Variants in DAB1 observed in about 807,000 individuals in gnomAD.
DAB1 encodes the protein disabled homolog 1.
DAB1 carries 15 observed loss-of-function variants against 64.6 expected under a neutral mutation model. The ratio of observed to expected loss-of-function variants is 0.23; its 90% CI spans 0.16 to 0.36. The LOEUF (loss-of-function observed/expected upper bound fraction) is 0.36. Among genes scored for constraint, DAB1 ranks in the 10% least tolerant of loss-of-function variants. The pLI, the probability that DAB1 is intolerant of heterozygous loss-of-function variation, is 1.00. For missense variants in DAB1, 596 were observed against 706.7 expected (o/e 0.84, Z 1.78); for synonymous variants, 235 against 251.9 (o/e 0.93, Z 0.64).
chr1:57,057,233 G>A (rs939393986), intron 9 of DAB1, among the ~76,000 whole-genome samples: 19 of 152,126 alleles, frequency 1.2e-4, no homozygotes, highest in Non-Finnish European at 2.6e-4. Context: ...AGAAGAAAGT[G>A]TATTTTATAT....
At chr1:57,689,764 A>T (rs1373318428) in intron 6 of DAB1, among the ~76,000 whole-genome samples, 1 of 152,188 alleles carries the variant, frequency 6.6e-6, no homozygotes. Context: ...GTTACAAATA[A>T]TCCAATTATA....
chr1:58,407,419 G>A (rs187794786), intron 3 of DAB1, among the ~76,000 whole-genome samples: 19 of 152,266 alleles, frequency 1.2e-4, no homozygotes, highest in Admixed American at 9.8e-4. Flanking sequence ...TAGCATGGAT[G>A]GATATTTGCT....
At chr1:58,010,399 A>T (rs888149343) in intron 5 of DAB1, among the ~76,000 whole-genome samples, 1 of 152,174 alleles carries the variant, frequency 6.6e-6, no homozygotes, top group African/African-American at 2.4e-5. Context: ...CTTGCTACAA[A>T]CACAACAGAA....
chr1:57,847,950 GATT>G (rs1653360875), intron 1 of DAB1, among the ~76,000 whole-genome samples: 1 of 152,120 alleles, frequency 6.6e-6, no homozygotes, highest in South Asian at 2.1e-4. Context: ...CAAAGTAGGA[GATT>G]ATTATCCCTG....
upstream of DAB1, among the ~76,000 whole-genome samples, chr1:57,425,758 C>A (rs1685261319): frequency 6.6e-6 from 1 of 152,160 alleles, no homozygotes; most frequent in South Asian, 2.1e-4. Flanking sequence ...CGGTTTCTAC[C>A]TACTTCCAGG....
chr1:58,426,037 AG>A (rs1342506001), intron 3 of DAB1, among the ~76,000 whole-genome samples: 2 of 152,228 alleles, frequency 1.3e-5, no homozygotes, highest in African/African-American at 4.8e-5. Context: ...AAGGGTCCAA[AG>A]TACAGGAGTG....
downstream of DAB1, among the ~76,000 whole-genome samples, chr1:57,824,814 CA>C (rs1434006889): frequency 6.6e-6 from 1 of 152,228 alleles, no homozygotes; most frequent in Non-Finnish European, 1.5e-5. Context: ...ATTCCAGCAG[CA>C]GCTGGGCAGA....
intron 7 of DAB1, among the ~76,000 whole-genome samples, chr1:57,464,498 T>C (rs1686891059): frequency 1.3e-5 from 2 of 152,192 alleles, no homozygotes; most frequent in Admixed American, 1.3e-4. Flanking sequence ...TTATAGAATC[T>C]TCCTCTCCTA....
chr1:57,476,540 T>C (rs1276927936), intron 7 of DAB1, among the ~76,000 whole-genome samples: 1 of 152,198 alleles, frequency 6.6e-6, no homozygotes, highest in Admixed American at 6.5e-5. Flanking sequence ...ATCTGTAAGA[T>C]GGTAATAATT....
chr1:58,146,686 T>C (rs1654612216), intron 5 of DAB1, among the ~76,000 whole-genome samples: 1 of 151,688 alleles, frequency 6.6e-6, no homozygotes, highest in South Asian at 2.1e-4. Flanking sequence ...AGCATATCCT[T>C]TTTTAAGGCT....
chr1:57,912,900 C>G (rs1358925127), intron 5 of DAB1, among the ~76,000 whole-genome samples: 1 of 152,136 alleles, frequency 6.6e-6, no homozygotes, highest in Non-Finnish European at 1.5e-5. Flanking sequence ...TGTGAAGGAC[C>G]TCTTCAAGGA....
chr1:57,195,523 CA>C (rs1205745484), intron 2 of DAB1, among the ~76,000 whole-genome samples: 1 of 152,174 alleles, frequency 6.6e-6, no homozygotes, highest in African/African-American at 2.4e-5. Context: ...AGCTGGAAAA[CA>C]GTTAAGTAGC....
At chr1:58,022,900 G>A (rs2100457631) in intron 5 of DAB1, among the ~76,000 whole-genome samples, 1 of 152,158 alleles carries the variant, frequency 6.6e-6, no homozygotes, top group South Asian at 2.1e-4. Context: ...TGAGTTTGCT[G>A]GGAGTAAGAT....
intron 4 of DAB1, among the ~76,000 whole-genome samples, chr1:58,250,635 G>A (rs1557714747): frequency 6.6e-6 from 1 of 152,230 alleles, no homozygotes; most frequent in Non-Finnish European, 1.5e-5. Flanking sequence ...CGGCCTGACC[G>A]ACCTGGCCTG....
At chr1:58,450,936 A>T (rs1385349459) in intron 3 of DAB1, among the ~76,000 whole-genome samples, 1 of 152,200 alleles carries the variant, frequency 6.6e-6, no homozygotes, top group African/African-American at 2.4e-5. Flanking sequence ...AAAGTGTCAG[A>T]CAACCCAAAT....
intron 5 of DAB1, among the ~76,000 whole-genome samples, chr1:57,947,814 CAGA>C (rs1156755235): frequency 6.6e-6 from 1 of 152,152 alleles, no homozygotes; most frequent in Non-Finnish European, 1.5e-5. Flanking sequence ...GGCTGACATA[CAGA>C]AGGCCTGAAA....
At chr1:57,758,115 C>T (rs912946696) in intron 6 of DAB1, among the ~76,000 whole-genome samples, 2 of 152,118 alleles carry the variant, frequency 1.3e-5, no homozygotes, top group African/African-American at 4.8e-5. Context: ...ATAATTTTTA[C>T]TTTATAGAAT....
At chr1:58,179,302 T>C (rs1656654109) in intron 4 of DAB1, among the ~76,000 whole-genome samples, 1 of 152,136 alleles carries the variant, frequency 6.6e-6, no homozygotes. Flanking sequence ...TTTAACTTTC[T>C]TGTAATATCT....
chr1:58,138,945 T>A (rs1046339671), intron 5 of DAB1, among the ~76,000 whole-genome samples: 7 of 152,246 alleles, frequency 4.6e-5, no homozygotes, highest in Admixed American at 4.6e-4. Context: ...AATAGGTGGG[T>A]GGGTTGATAG....
Sources: gnomAD v4.1 joint callset for allele counts (sites outside exome capture counted in the v4.1 genomes callset) on GRCh38, gnomAD v4.1.1 for gene constraint, MANE v1.5 for transcripts, NCBI Gene and HGNC (gene_info 2026-07-23, HGNC 2026-07-21) for gene names.